Variants in EXOSC1 observed in about 807,000 individuals in gnomAD.
EXOSC1 encodes exosome component 1.
EXOSC1 carries 27 observed loss-of-function variants against 31.4 expected under a neutral mutation model. That is an observed-to-expected ratio of 0.86 (90% confidence interval 0.63 to 1.18). The LOEUF is 1.18. Ranked by LOEUF, EXOSC1 falls within the 50% of genes most tolerant of loss-of-function variation. The pLI, the probability that EXOSC1 is intolerant of heterozygous loss-of-function variation, is 0.00. For synonymous variants in EXOSC1, 84 were observed against 89.5 expected (o/e 0.94, Z 0.35); for missense variants, 228 against 250.3 (o/e 0.91, Z 0.60).
intron 2 of EXOSC1, 72 bp downstream of exon 2, chr10:97,445,660 A>C: frequency 7.0e-7 from 1 of 1,431,264 alleles, no homozygotes; most frequent in Non-Finnish European, 9.7e-7. Flanking sequence ...CGCAGTGCCC[A>C]TGCCTAAGGA....
At chr10:97,437,537 A>G (rs1845579006) in intron 6 of EXOSC1, among the ~76,000 whole-genome samples, 163 bp downstream of exon 6, 1 of 151,816 alleles carries the variant, frequency 6.6e-6, no homozygotes. Flanking sequence ...TAGTAGAGAC[A>G]GGGTTTCACC....
chr10:97,437,316 A>C, intron 6 of EXOSC1, 41 bp from the exon 7 acceptor site: 2 of 1,515,260 alleles, frequency 1.3e-6, no homozygotes, highest in Non-Finnish European at 1.8e-6. Flanking sequence ...AGGAGTTAGA[A>C]GTCTTCCCCC....
chr10:97,437,038 C>T, intron 7 of EXOSC1, among the ~76,000 whole-genome samples, 153 bp downstream of exon 7: 1 of 151,914 alleles, frequency 6.6e-6, no homozygotes, highest in East Asian at 1.9e-4. Context: ...CCACCAGCAC[C>T]AAGCAAAAAA....
Position 97,436,473 on chromosome 10 carries a change from C to A in EXOSC1, c.560G>T (p.Arg187Leu). 6.2e-7 allele frequency: 1 copy of A among 1,613,188 alleles called. No homozygotes were observed. The highest frequency in any genetic ancestry group is 8.5e-7 in the Non-Finnish European group (1 of 1,179,668). ...GGTCTGCAAGAATTCGGGTTGTACT[C>A]GGGCTACTTTCCGGAATTCTTTAGT... ...THTKEFRKVARVQPEFLQT is the reference protein window; with the variant it reads ...THTKEFRKVALVQPEFLQT Residue 187 changes from arginine to leucine, a missense_variant, in exon 8 of 8, where the codon CGA becomes CTA. Coordinates refer to ENST00000370902, the MANE Select transcript of EXOSC1 (RefSeq NM_016046.5).
Position 97,445,957 on chromosome 10 carries a change from G to A in EXOSC1, c.29C>T (p.Pro10Leu), listed in dbSNP as rs376898662. The change falls in exon 1 of 8, where the codon CCC (proline) becomes CTC (leucine). Residue 10 changes from proline to leucine, a missense_variant and splice_region_variant. By Grantham distance (98) the Pro-to-Leu change is moderately conservative. Transcript: ENST00000370902. ...CTGTACGGGAAGCGCTCACTTACCG[G>A]GGATGCAGTATCTCACAGGTGGCGC... is the stretch of plus-strand genomic sequence containing the variant. MAPPVRYCI[P>L]GERLCNLEEG... 1.9e-6 allele frequency: 3 copies of A among 1,614,066 alleles called. No homozygotes were observed. The highest frequency in any genetic ancestry group is 1.3e-5 in the African/African-American group (1 of 74,920).
rs1845563321 is a variant in EXOSC1, at chr10:97,437,172, G to A, written c.481+19C>T. 6.2e-7 allele frequency: 1 copy of A among 1,609,122 alleles called. No homozygotes were observed. The highest frequency in any genetic ancestry group is 1.1e-5 in the South Asian group (1 of 90,912). On this transcript the variant is annotated intron_variant, in intron 7 of 7. Transcript: ENST00000370902. Reference sequence around the variant, plus strand: ...ATAGATCCAGGGAAAGTAAGGATGTGGAAACAAGGCCATCTCACCTGACTC... The same window carrying A: ...ATAGATCCAGGGAAAGTAAGGATGTAGAAACAAGGCCATCTCACCTGACTC...
At chr10:97,442,421 G>A (rs1845747510) in intron 3 of EXOSC1, among the ~76,000 whole-genome samples, 1 of 152,190 alleles carries the variant, frequency 6.6e-6, no homozygotes, top group Non-Finnish European at 1.5e-5. Flanking sequence ...AAAACTTTCT[G>A]TGATGACAGA....
intron 3 of EXOSC1, among the ~76,000 whole-genome samples, chr10:97,442,448 C>T (rs1285637369): frequency 6.6e-6 from 1 of 152,156 alleles, no homozygotes; most frequent in African/African-American, 2.4e-5. Flanking sequence ...ATGTGCTGAC[C>T]AGTATAGCAA....
intron 3 of EXOSC1, 70 bp downstream of exon 3, chr10:97,443,167 G>T: frequency 1.6e-6 from 2 of 1,290,250 alleles, no homozygotes; most frequent in Non-Finnish European, 2.2e-6. Context: ...ACTGGACACT[G>T]CAGTTCTGGT....
intron 4 of EXOSC1, 47 bp from the exon 5 acceptor site, chr10:97,438,750 ATTT>A (rs11316935): frequency 0.018 from 18,076 of 978,766 alleles, no homozygotes; most frequent in South Asian, 0.024. Context: ...GTGAGAAAGA[ATTT>A]TTTTTTTTTT....
chr10:97,439,393 G>T (rs935643179), intron 4 of EXOSC1, among the ~76,000 whole-genome samples: 5 of 152,194 alleles, frequency 3.3e-5, no homozygotes, highest in African/African-American at 7.2e-5. Context: ...ATACATTACT[G>T]CCTGAGCTCC....
Position 97,445,741 on chromosome 10 carries a change from C to T in EXOSC1, c.138G>A (p.Glu46=), listed in dbSNP as rs1845945280. The T allele has an allele frequency of 6.2e-7, 1 of 1,613,072 alleles. No individual in the cohort carries two copies. Among genetic ancestry groups the T allele is most frequent in the Non-Finnish European group, 8.5e-7 (1 of 1,179,240 alleles). The change falls in exon 2 of 8, where the codon GAG becomes GAA. Residue 46 remains glutamate (E), a synonymous_variant. Coordinates refer to ENST00000370902, the MANE Select transcript of EXOSC1 (RefSeq NM_016046.5). ...SLAGCLMKSS[E]NGALPVVSVV... ...ATGCCGCTTCCTTTACCGCGCCATTCTCGCTGCTCTTCATCAGACAGCCGG... is the reference window on the plus strand; with the variant it reads ...ATGCCGCTTCCTTTACCGCGCCATTTTCGCTGCTCTTCATCAGACAGCCGG...
intron 3 of EXOSC1, among the ~76,000 whole-genome samples, chr10:97,441,460 T>TA (rs1435426202): frequency 6.6e-6 from 1 of 151,786 alleles, no homozygotes; most frequent in African/African-American, 2.4e-5. Context: ...CTGGTAGAGT[T>TA]ACTATGGGAA....
intron 2 of EXOSC1, chr10:97,444,149 T>C (rs1299673273): frequency 6.6e-6 from 1 of 152,256 alleles, no homozygotes; most frequent in Non-Finnish European, 1.5e-5. Context: ...CTTATTTTAT[T>C]GCACAGGCTG....
At position 97,436,284 on chromosome 10, in the gene EXOSC1, ACT is replaced by A; in HGVS notation, c.*159_*160del. On this transcript the variant is annotated 3_prime_UTR_variant, in exon 8 of 8. Coordinates refer to ENST00000370902, the MANE Select transcript of EXOSC1 (RefSeq NM_016046.5). ...TTTATTACTCAAGAGAATGAAATCCACTGATAGGTTCACAGAAACATGTTCCA... is the reference window on the plus strand; with the variant it reads ...TTTATTACTCAAGAGAATGAAATCCAGATAGGTTCACAGAAACATGTTCCA... 1 of 592,104 alleles carries A rather than the reference ACT, an allele frequency of 1.7e-6. No individual in the cohort carries two copies. The highest frequency in any genetic ancestry group is 3.0e-6 in the Non-Finnish European group (1 of 333,222). 36.7% of individuals were successfully genotyped at this position (592,104 alleles called of 1,614,324 possible). A position where few individuals can be genotyped will look rare whatever the true frequency, so the allele number is the denominator to read the frequency against.
At chr10:97,438,252 GT>G (rs1845608247) in intron 5 of EXOSC1, among the ~76,000 whole-genome samples, 1 of 150,572 alleles carries the variant, frequency 6.6e-6, no homozygotes, top group African/African-American at 2.4e-5. Flanking sequence ...GGATCCCACT[GT>G]GTCACCCAGG....
intron 4 of EXOSC1, among the ~76,000 whole-genome samples, chr10:97,440,515 ATTTTTTTT>A (rs397846677): frequency 8.0e-6 from 1 of 124,264 alleles, no homozygotes. Context: ...TGCCCAGCTA[ATTTTTTTT>A]TTTTTTTTTT....
chr10:97,443,975 G>A (rs1007574085), intron 2 of EXOSC1: 12 of 152,050 alleles, frequency 7.9e-5, no homozygotes, highest in Admixed American at 7.9e-4. Context: ...TGTATTTTTA[G>A]TAGAGATGGG....
Position 97,440,819 on chromosome 10 carries a change from T to C in EXOSC1, c.311+352A>G, listed in dbSNP as rs147470007. 1,014 of 171,978 alleles carry C rather than the reference T, an allele frequency of 5.9e-3. 9 individuals are homozygous for C. Among genetic ancestry groups the C allele is most frequent in the African/African-American group, 0.022 (936 of 41,808 alleles). 10.7% of individuals were successfully genotyped at this position (171,978 alleles called of 1,614,324 possible). ...GGTGTGAGCCACTGTGCCTGGCTAATTTTTGTATTTTTTACAGAGATGGGG... is the reference window on the plus strand; with the variant it reads ...GGTGTGAGCCACTGTGCCTGGCTAACTTTTGTATTTTTTACAGAGATGGGG... On this transcript the variant is annotated intron_variant, in intron 4 of 7. Coordinates refer to ENST00000370902, the MANE Select transcript of EXOSC1 (RefSeq NM_016046.5).
Sources: allele counts gnomAD v4.1 joint callset (sites outside exome capture counted in the v4.1 genomes callset), GRCh38; gene constraint gnomAD v4.1.1; transcripts MANE v1.5; gene names NCBI Gene and HGNC (gene_info 2026-07-23, HGNC 2026-07-21).